Variants in AGBL4 observed in about 807,000 individuals in gnomAD.
The protein encoded by AGBL4 is AGBL carboxypeptidase 4, also known as cytosolic carboxypeptidase 6.
AGBL4 carries 58 observed loss-of-function variants against 66.4 expected under a neutral mutation model. The ratio of observed to expected loss-of-function variants is 0.87; its 90% CI spans 0.71 to 1.09. The LOEUF is 1.09. Ranked by LOEUF, AGBL4 falls within the 50% of genes least tolerant of loss-of-function variation. The pLI is 0.00. For missense variants in AGBL4, 579 were observed against 631.0 expected (o/e 0.92, Z 0.88); for synonymous variants, 234 against 222.9 (o/e 1.05, Z -0.44).
At chr1:48,940,337 C>T (rs565545807) in intron 5 of AGBL4, among the ~76,000 whole-genome samples, 2 of 152,174 alleles carry the variant, frequency 1.3e-5, no homozygotes, top group South Asian at 2.1e-4. Flanking sequence ...GAGATCATGC[C>T]ACTGCACTCC....
intron 3 of AGBL4, among the ~76,000 whole-genome samples, chr1:49,338,084 G>A (rs1645472529): frequency 6.6e-6 from 1 of 152,144 alleles, no homozygotes; most frequent in Admixed American, 6.6e-5. Context: ...TCAAACTTCT[G>A]CAATGAAAAC....
intron 4 of AGBL4, among the ~76,000 whole-genome samples, chr1:49,118,352 T>G (rs1009875675): frequency 6.6e-6 from 1 of 152,190 alleles, no homozygotes; most frequent in Non-Finnish European, 1.5e-5. Flanking sequence ...TGGCTGTGGG[T>G]TTGTCATAAA....
intron 6 of AGBL4, among the ~76,000 whole-genome samples, chr1:48,745,972 G>T (rs1570468090): frequency 6.6e-6 from 1 of 152,110 alleles, no homozygotes; most frequent in Non-Finnish European, 1.5e-5. Context: ...TGTCAGAAAG[G>T]AGGCTTGAGG....
At chr1:49,730,038 C>A (rs867271535) in intron 2 of AGBL4, among the ~76,000 whole-genome samples, 4 of 152,226 alleles carry the variant, frequency 2.6e-5, no homozygotes, top group Middle Eastern at 3.4e-3. Context: ...TCAAACGCTG[C>A]CTCTTTCAAG....
chr1:49,462,675 T>C lies in AGBL4; in HGVS notation c.283-216811A>G, dbSNP rs372896717. On this transcript the variant is annotated intron_variant, in intron 3 of 13. Transcript: ENST00000371839. ...TTTTCTGATGTTACAGGGTTACAAATGTTGAAGTCATGGGCTTTGGCTATA... is the reference window on the plus strand; with the variant it reads ...TTTTCTGATGTTACAGGGTTACAAACGTTGAAGTCATGGGCTTTGGCTATA... 3.5e-4 allele frequency among the ~76,000 whole-genome samples: 53 copies of C among 151,878 alleles called. 1 individual carries two copies. The South Asian group carries it at 9.8e-3, about 28-fold the overall frequency.
At chr1:49,052,521 A>C (rs777003301) in intron 4 of AGBL4, among the ~76,000 whole-genome samples, 9 of 152,148 alleles carry the variant, frequency 5.9e-5, no homozygotes, top group Non-Finnish European at 1.2e-4. Context: ...GTTGTTGTGA[A>C]ACTCTTAGGT....
At chr1:49,282,408 A>C (rs915333310) in intron 3 of AGBL4, among the ~76,000 whole-genome samples, 6 of 152,190 alleles carry the variant, frequency 3.9e-5, no homozygotes, top group African/African-American at 1.4e-4. Flanking sequence ...AAGACACTAC[A>C]GAGATGGTTA....
chr1:49,934,672 T>A (rs573512195), intron 1 of AGBL4, among the ~76,000 whole-genome samples: 1 of 152,278 alleles, frequency 6.6e-6, no homozygotes, highest in South Asian at 2.1e-4. Flanking sequence ...TCAGACACTT[T>A]AGACCAATAA....
intron 3 of AGBL4, among the ~76,000 whole-genome samples, chr1:49,295,973 G>A (rs894872079): frequency 6.6e-6 from 1 of 152,154 alleles, no homozygotes; most frequent in Admixed American, 6.5e-5. Flanking sequence ...GACTTTCTGT[G>A]ACAACGTATC....
At chr1:49,125,228 C>A (rs1344011544) in intron 4 of AGBL4, among the ~76,000 whole-genome samples, 1 of 152,038 alleles carries the variant, frequency 6.6e-6, no homozygotes, top group East Asian at 1.9e-4. Flanking sequence ...ATTTAGATAT[C>A]TGAAACAATA....
chr1:49,003,624 A>G (rs539457231), intron 5 of AGBL4, among the ~76,000 whole-genome samples: 1 of 152,128 alleles, frequency 6.6e-6, no homozygotes, highest in East Asian at 1.9e-4. Context: ...CCCCTTATCA[A>G]TGATCCTTTC....
intron 3 of AGBL4, among the ~76,000 whole-genome samples, chr1:49,388,483 A>G (rs1377844095): frequency 6.6e-6 from 1 of 152,154 alleles, no homozygotes; most frequent in Non-Finnish European, 1.5e-5. Flanking sequence ...AAGGCATGCT[A>G]TTTGTACATC....
At chr1:49,318,883 A>G (rs1645084909) in intron 3 of AGBL4, among the ~76,000 whole-genome samples, 1 of 152,078 alleles carries the variant, frequency 6.6e-6, no homozygotes, top group African/African-American at 2.4e-5. Context: ...TTTCCTTGTG[A>G]TATGTGAGTC....
intron 3 of AGBL4, among the ~76,000 whole-genome samples, chr1:49,355,633 T>A (rs1644003816): frequency 6.6e-6 from 1 of 152,222 alleles, no homozygotes; most frequent in Non-Finnish European, 1.5e-5. Flanking sequence ...CAAGGCTCTA[T>A]GGTATCTGAC....
At chr1:48,744,511 T>A (rs914815851) in intron 6 of AGBL4, among the ~76,000 whole-genome samples, 2 of 152,016 alleles carry the variant, frequency 1.3e-5, no homozygotes, top group African/African-American at 2.4e-5. Flanking sequence ...AGAAAAAAAA[T>A]AATAGGCTGA....
intron 5 of AGBL4, among the ~76,000 whole-genome samples, chr1:49,029,846 G>A (rs1664061740): frequency 6.6e-6 from 1 of 152,160 alleles, no homozygotes; most frequent in Non-Finnish European, 1.5e-5. Context: ...TCAATAGAAT[G>A]TAACTGAAAG....
intron 6 of AGBL4, chr1:48,759,125 C>T: frequency 1.9e-5 from 31 of 1,613,620 alleles, no homozygotes; most frequent in Non-Finnish European, 2.5e-5. Context: ...ACAGCATCTT[C>T]TAGACTGTCC....
At chr1:48,866,944 G>C (rs1413961601) in intron 6 of AGBL4, among the ~76,000 whole-genome samples, 4 of 152,148 alleles carry the variant, frequency 2.6e-5, no homozygotes, top group African/African-American at 9.7e-5. Context: ...CCTAGAATAT[G>C]CAGCAACATC....
chr1:49,432,093 T>G (rs1345533172), intron 3 of AGBL4, among the ~76,000 whole-genome samples: 1 of 152,108 alleles, frequency 6.6e-6, no homozygotes, highest in Non-Finnish European at 1.5e-5. Flanking sequence ...CTGAAGGAAC[T>G]CCATAACCCT....
Sources: allele counts gnomAD v4.1 joint callset (sites outside exome capture counted in the v4.1 genomes callset), GRCh38; gene constraint gnomAD v4.1.1; transcripts MANE v1.5; gene names NCBI Gene and HGNC (gene_info 2026-07-23, HGNC 2026-07-21).